The following JAKMIP2 variants were observed in gnomAD, a reference collection of about 807,000 sequenced individuals.
JAKMIP2 encodes the protein janus kinase and microtubule-interacting protein 2.
JAKMIP2 carries 25 observed loss-of-function variants against 115.0 expected under a neutral mutation model. The ratio of observed to expected loss-of-function variants is 0.22; its 90% confidence interval spans 0.16 to 0.30. The LOEUF (loss-of-function observed/expected upper bound fraction) is 0.30, where lower values mean the gene tolerates loss of function less well. Among genes scored for constraint, JAKMIP2 ranks in the 10% least tolerant of loss-of-function variants. JAKMIP2 has a pLI of 1.00. For missense variants in JAKMIP2, 642 were observed against 957.6 expected (o/e 0.67, Z 4.35); for synonymous variants, 334 against 343.6 (o/e 0.97, Z 0.31).
chr5:147,756,111 C>T (rs1247835425), intron 1 of JAKMIP2, among the ~76,000 whole-genome samples: 50 of 152,076 alleles, frequency 3.3e-4, no homozygotes, highest in Admixed American at 3.1e-3. Context: ...AAGGAATATT[C>T]TCTTTGATTA....
intron 1 of JAKMIP2, among the ~76,000 whole-genome samples, chr5:147,704,084 T>C (rs1487500356): frequency 1.3e-5 from 2 of 152,146 alleles, no homozygotes; most frequent in African/African-American, 4.8e-5. Flanking sequence ...TGTCATCTCC[T>C]ATATTAACAA....
intron 1 of JAKMIP2, among the ~76,000 whole-genome samples, chr5:147,737,664 T>C (rs1753977097): frequency 6.6e-6 from 1 of 152,234 alleles, no homozygotes; most frequent in Admixed American, 6.5e-5. Flanking sequence ...GTTACAAGTG[T>C]CTTATTGAGT....
At chr5:147,698,797 T>C (rs1339787214) in intron 1 of JAKMIP2, among the ~76,000 whole-genome samples, 1 of 152,102 alleles carries the variant, frequency 6.6e-6, no homozygotes, top group Admixed American at 6.5e-5. Flanking sequence ...AACTACCCAG[T>C]CTCAGGTATT....
chr5:147,598,347 T>A (rs1755503407), intron 21 of JAKMIP2, among the ~76,000 whole-genome samples: 1 of 152,174 alleles, frequency 6.6e-6, no homozygotes, highest in Non-Finnish European at 1.5e-5. Context: ...TTCTCCAGCG[T>A]GCAGATGGCT....
At chr5:147,735,527 TCA>T (rs201172642) in intron 1 of JAKMIP2, among the ~76,000 whole-genome samples, 1,910 of 152,234 alleles carry the variant, frequency 0.013, 51 homozygotes, top group African/African-American at 0.044. Flanking sequence ...TAATTCTTAT[TCA>T]CTATCATGAG....
chr5:147,702,684 G>GA (rs1469462562), intron 1 of JAKMIP2, among the ~76,000 whole-genome samples: 9 of 136,554 alleles, frequency 6.6e-5, no homozygotes, highest in African/African-American at 2.6e-4. Flanking sequence ...GAAAGAGAAA[G>GA]AAAGAAAAGA....
chr5:147,765,723 C>G (rs2127062371), intron 1 of JAKMIP2, among the ~76,000 whole-genome samples: 1 of 151,836 alleles, frequency 6.6e-6, no homozygotes, highest in East Asian at 1.9e-4. Flanking sequence ...AAATGCAAGT[C>G]AACAAAAAGA....
intron 19 of JAKMIP2, among the ~76,000 whole-genome samples, chr5:147,617,524 A>T (rs1166549541): frequency 6.6e-6 from 1 of 152,116 alleles, no homozygotes; most frequent in Non-Finnish European, 1.5e-5. Context: ...CTTTTACACT[A>T]TTCGGATTAT....
intron 1 of JAKMIP2, among the ~76,000 whole-genome samples, chr5:147,680,738 C>T (rs141904573): frequency 2.4e-4 from 37 of 152,276 alleles, no homozygotes; most frequent in African/African-American, 8.2e-4. Flanking sequence ...AAAAATGTCA[C>T]ACTGTGTATT....
At chr5:147,713,288 C>T (rs549846152) in intron 1 of JAKMIP2, among the ~76,000 whole-genome samples, 1 of 152,050 alleles carries the variant, frequency 6.6e-6, no homozygotes, top group Non-Finnish European at 1.5e-5. Context: ...GAGCCTTTCA[C>T]TAACATCAAG....
At position 147,639,643 on chromosome 5, in the gene JAKMIP2, G is replaced by A; in HGVS notation, c.1519C>T (p.Arg507Ter). 6.2e-7 allele frequency: 1 copy of A among 1,612,922 alleles called. No individual in the cohort carries two copies. Among genetic ancestry groups the A allele is most frequent in the Non-Finnish European group, 8.5e-7 (1 of 1,179,486 alleles). ...AGATACACACTAACCTTGGCTTCTC[G>A]TTCAGCGTCGATGATGCCTCCCGTC... is the stretch of plus-strand genomic sequence containing the variant. Reference protein sequence around the residue: ...EQTGGIIDAEREAKAQEQLQA... With the variant: ...EQTGGIIDAE Residue 507 changes from arginine (R) to a stop codon, truncating the protein, a stop_gained, in exon 10 of 22, where the codon CGA becomes TGA. Coordinates refer to ENST00000616793, the MANE Select transcript of JAKMIP2 (RefSeq NM_001270941.2). LOFTEE classifies it high-confidence loss of function.
At chr5:147,742,708 G>C in intron 1 of JAKMIP2, among the ~76,000 whole-genome samples, 1 of 152,154 alleles carries the variant, frequency 6.6e-6, no homozygotes, top group Non-Finnish European at 1.5e-5. Context: ...ATGAACAGCT[G>C]TTCATAATCC....
chr5:147,769,736 G>A (rs1265008638), intron 1 of JAKMIP2, among the ~76,000 whole-genome samples: 1 of 146,512 alleles, frequency 6.8e-6, no homozygotes. Flanking sequence ...ATTTTGTGTA[G>A]AGCGCCTGGA....
At chr5:147,604,601 T>G (rs1305147648) in intron 20 of JAKMIP2, among the ~76,000 whole-genome samples, 1 of 152,086 alleles carries the variant, frequency 6.6e-6, no homozygotes, top group Non-Finnish European at 1.5e-5. Context: ...TTTTAACCAT[T>G]ATTGCAGGAA....
At chr5:147,706,203 A>G (rs915776245) in intron 1 of JAKMIP2, among the ~76,000 whole-genome samples, 1 of 152,174 alleles carries the variant, frequency 6.6e-6, no homozygotes, top group Non-Finnish European at 1.5e-5. Flanking sequence ...AAATATATTA[A>G]TAAGGAAAGA....
rs567796833 is a variant in JAKMIP2, at chr5:147,639,609, CA to C, written c.1530+22del. 6.6e-4 allele frequency: 1,054 copies of C among 1,595,458 alleles called. 4 individuals are homozygous for C. The Middle Eastern group carries it at 8.7e-3, about 13-fold the overall frequency. The stretch of plus-strand genomic sequence containing the variant: ...GTGACTGCTGCACGCTAATTCAGAG[CA>C]CTCTCACAGATACACACTAACCTTG... On this transcript the variant is annotated intron_variant, in intron 10 of 21. Coordinates refer to ENST00000616793, the MANE Select transcript of JAKMIP2 (RefSeq NM_001270941.2).
At chr5:147,692,281 A>G (rs1395757635) in intron 1 of JAKMIP2, among the ~76,000 whole-genome samples, 4 of 152,222 alleles carry the variant, frequency 2.6e-5, no homozygotes, top group Non-Finnish European at 5.9e-5. Context: ...ACCAGAAGCT[A>G]GAAGAGAGGA....
intron 21 of JAKMIP2, among the ~76,000 whole-genome samples, chr5:147,600,158 C>T (rs1399408442): frequency 1.7e-5 from 2 of 120,996 alleles, no homozygotes; most frequent in Non-Finnish European, 3.3e-5. Context: ...CATTTTGATC[C>T]TTTACTAGTG....
At chr5:147,781,867 T>A (rs562429925) in intron 1 of JAKMIP2, among the ~76,000 whole-genome samples, 1 of 152,300 alleles carries the variant, frequency 6.6e-6, no homozygotes, top group East Asian at 1.9e-4. Context: ...GATCTGTATA[T>A]CCATAAGATA....
Sources: gnomAD v4.1 joint callset for allele counts (sites outside exome capture counted in the v4.1 genomes callset) on GRCh38, gnomAD v4.1.1 for gene constraint, MANE v1.5 for transcripts, NCBI Gene and HGNC (gene_info 2026-07-23, HGNC 2026-07-21) for gene names.